Variants in FSIP1 observed in about 807,000 individuals in gnomAD.
FSIP1 encodes fibrous sheath-interacting protein 1.
In FSIP1, 65 loss-of-function variants were observed where a neutral mutation model predicts 60.9. The ratio of observed to expected loss-of-function variants is 1.07; its 90% CI spans 0.87 to 1.31. The LOEUF (loss-of-function observed/expected upper bound fraction) is 1.31. Ranked by LOEUF, FSIP1 falls within the 40% of genes most tolerant of loss-of-function variation. The pLI, the probability that FSIP1 is intolerant of heterozygous loss-of-function variation, is 0.00. For missense variants in FSIP1, 675 were observed against 665.5 expected, an observed-to-expected ratio of 1.01 and a Z score of -0.16; for synonymous variants, 209 against 221.2, an observed-to-expected ratio of 0.94 and a Z score of 0.49.
At chr15:39,733,968 G>A (rs1165702932) in intron 8 of FSIP1, among the ~76,000 whole-genome samples, 1 of 151,864 alleles carries the variant, frequency 6.6e-6, no homozygotes, top group Non-Finnish European at 1.5e-5. Flanking sequence ...CTCCCAAAAG[G>A]AGAAAAAAGA....
intron 5 of FSIP1, among the ~76,000 whole-genome samples, chr15:39,761,354 ATG>A (rs1312246558): frequency 6.6e-6 from 1 of 152,220 alleles, no homozygotes; most frequent in East Asian, 1.9e-4. Context: ...GATAAAGAAA[ATG>A]TGTTGTATAG....
In FSIP1 at chr15:39,679,077, T is replaced by C. The variant is rs571409021; in HGVS notation, c.1188+34367A>G. On this transcript the variant is annotated intron_variant, in intron 10 of 11. Transcript: ENST00000350221. Reference sequence around the variant, plus strand: ...TTCTTCAGCAGAGTTTACTAAGCTGTTTAGTGTCTTTGAATCAGTTTTTCT... The same window carrying C: ...TTCTTCAGCAGAGTTTACTAAGCTGCTTAGTGTCTTTGAATCAGTTTTTCT... Among the ~76,000 whole-genome samples the C allele has an allele frequency of 1.3e-3, 191 of 152,352 alleles. 1 individual carries two copies. Among genetic ancestry groups the C allele is most frequent in the African/African-American group, 4.1e-3 (172 of 41,580 alleles).
intron 9 of FSIP1, among the ~76,000 whole-genome samples, chr15:39,720,373 C>G (rs1035967753): frequency 4.6e-5 from 7 of 152,106 alleles, no homozygotes; most frequent in Non-Finnish European, 8.8e-5. Context: ...ACAATTGAAT[C>G]AATATTTCAA....
intron 10 of FSIP1, 123 bp from the exon 11 acceptor site, chr15:39,618,368 A>G: frequency 1.4e-6 from 1 of 734,684 alleles, no homozygotes; most frequent in Non-Finnish European, 2.2e-6. Flanking sequence ...TAAAAATAGA[A>G]AAATAATTCA....
chr15:39,649,234 A>G (rs1306258211), intron 10 of FSIP1, among the ~76,000 whole-genome samples: 3 of 152,208 alleles, frequency 2.0e-5, no homozygotes, highest in African/African-American at 7.2e-5. Flanking sequence ...AAGACCAAAA[A>G]CACCTGTAAA....
chr15:39,722,401 C>A (rs899931991), intron 9 of FSIP1, among the ~76,000 whole-genome samples: 1 of 152,034 alleles, frequency 6.6e-6, no homozygotes, highest in African/African-American at 2.4e-5. Context: ...CCAAAACCAT[C>A]CCCCTCTCTG....
In FSIP1 at chr15:39,631,272, C is replaced by T. The variant is rs189899452; in HGVS notation, c.1189-13027G>A. ...AGGCCATGGCCCATCCTAGGCCCAA[C>T]TCCTCTTCTCTCCCCGATGTCTTGT... is the stretch of plus-strand genomic sequence containing the variant. On this transcript the variant is annotated intron_variant, in intron 10 of 11. Transcript: ENST00000350221. Among the ~76,000 whole-genome samples, 5 of 152,336 alleles carry T rather than the reference C, an allele frequency of 3.3e-5. No homozygotes were observed. In the East Asian group the frequency reaches 7.7e-4, roughly 23 times the overall value.
intron 2 of FSIP1, among the ~76,000 whole-genome samples, chr15:39,775,184 T>G (rs1044132200): frequency 6.6e-6 from 1 of 152,136 alleles, no homozygotes; most frequent in Non-Finnish European, 1.5e-5. Context: ...TCCTGCTAAT[T>G]TTTTTAATTT....
At chr15:39,704,984 G>T (rs1055352264) in intron 10 of FSIP1, among the ~76,000 whole-genome samples, 2 of 152,150 alleles carry the variant, frequency 1.3e-5, no homozygotes, top group Non-Finnish European at 2.9e-5. Context: ...AAAAGAGAAA[G>T]AATGTGGATA....
At chr15:39,776,241 CA>C (rs1376711987) in intron 2 of FSIP1, among the ~76,000 whole-genome samples, 157 bp downstream of exon 2, 13 of 117,350 alleles carry the variant, frequency 1.1e-4, no homozygotes, top group Non-Finnish European at 9.6e-5. Context: ...AGAGTTTTTT[CA>C]TATTAATCTA....
chr15:39,615,839 G>C, intron 11 of FSIP1, among the ~76,000 whole-genome samples: 1 of 152,080 alleles, frequency 6.6e-6, no homozygotes, highest in East Asian at 1.9e-4. Context: ...TTGGCTAAAG[G>C]GTACCAGTTT....
chr15:39,713,491 G>A lies in FSIP1; in HGVS notation c.1141C>T (p.Arg381Trp), dbSNP rs553692762. The part of the protein sequence containing the change: ...NTKEQRDLHN[R>W]LREIDEKLKM... The stretch of plus-strand genomic sequence containing the variant: ...AGCTTTTCATCAATCTCTCTCAGCC[G>A]ATTATGCAGATCGCGTTGCTCTTTG... Residue 381 changes from arginine to tryptophan, a missense_variant, in exon 10 of 12, where the codon CGG (arginine) becomes TGG (tryptophan). Arg to Trp is a moderately radical substitution (Grantham distance 101). Coordinates refer to ENST00000350221, the MANE Select transcript of FSIP1 (RefSeq NM_152597.5). The A allele has an allele frequency of 8.8e-5, 142 of 1,608,702 alleles. No individual in the cohort carries two copies. Among genetic ancestry groups the A allele is most frequent in the East Asian group, 3.8e-4 (17 of 44,544 alleles).
intron 10 of FSIP1, among the ~76,000 whole-genome samples, chr15:39,633,547 A>T (rs2140407103): frequency 6.6e-6 from 1 of 152,278 alleles, no homozygotes; most frequent in East Asian, 1.9e-4. Flanking sequence ...ATTACCATGA[A>T]CCTATTAATG....
chr15:39,776,371 G>A lies in FSIP1; in HGVS notation c.126+28C>T, dbSNP rs112050906. ...AACTGCTGAGAGGTTGGGGAAAGGAGTTTAAATCTTTTCTAAACGTAAATT... is the reference window on the plus strand; with the variant it reads ...AACTGCTGAGAGGTTGGGGAAAGGAATTTAAATCTTTTCTAAACGTAAATT... On this transcript the variant is annotated intron_variant, in intron 2 of 11. Coordinates refer to ENST00000350221, the MANE Select transcript of FSIP1 (RefSeq NM_152597.5). 3,099 of 1,603,780 alleles carry A rather than the reference G, an allele frequency of 1.9e-3. 48 individuals are homozygous for A. In the African/African-American group the frequency reaches 0.03, roughly 16 times the overall value.
chr15:39,684,147 A>G (rs1894273151), intron 10 of FSIP1, among the ~76,000 whole-genome samples: 1 of 152,252 alleles, frequency 6.6e-6, no homozygotes. Flanking sequence ...TTGATAAAGG[A>G]AAAATAAGAT....
chr15:39,767,868 C>G (rs1897746710), intron 3 of FSIP1, among the ~76,000 whole-genome samples: 1 of 152,188 alleles, frequency 6.6e-6, no homozygotes, highest in Non-Finnish European at 1.5e-5. Flanking sequence ...TGCACTCATC[C>G]TCCAAGCCAA....
intron 10 of FSIP1, among the ~76,000 whole-genome samples, chr15:39,676,206 T>C (rs535553494): frequency 2.0e-5 from 3 of 149,846 alleles, no homozygotes; most frequent in African/African-American, 7.3e-5. Context: ...TCATACCTCA[T>C]ACACTCAGTC....
chr15:39,617,990 A>G lies in FSIP1; in HGVS notation c.1444T>C (p.Tyr482His), dbSNP rs1891300288. ...ESEECEASKG[Y>H]YLTKALTGHN... is the part of the protein sequence containing the mutation. ...CCAGTCAAGGCTTTAGTGAGATAGT[A>G]GCCTTTAGAAGCTTCACATTCTTCA... Residue 482 changes from tyrosine to histidine, a missense_variant, in exon 11 of 12, where the codon TAC (tyrosine) becomes CAC (histidine). By Grantham distance (83) the Tyr-to-His change is moderately conservative (BLOSUM62 2). Transcript: ENST00000350221. The G allele has an allele frequency of 1.2e-6, 2 of 1,614,202 alleles. No homozygotes were observed. Among genetic ancestry groups the G allele is most frequent in the Admixed American group, 1.7e-5 (1 of 60,028 alleles).
In FSIP1 at chr15:39,634,355, C is replaced by G. The variant is rs75517324; in HGVS notation, c.1189-16110G>C. On this transcript the variant is annotated intron_variant, in intron 10 of 11. Transcript: ENST00000350221. ...CCCTCTCCTTCTATTGTCTCTTAAA[C>G]TCAACCCAAACAGGGTTTAGTCCAC... Among the ~76,000 whole-genome samples the G allele has an allele frequency of 4.6e-5, 7 of 152,314 alleles. No individual in the cohort carries two copies. In the East Asian group the frequency reaches 1.2e-3, roughly 25 times the overall value.
Sources: gnomAD v4.1 joint callset for allele counts (sites outside exome capture counted in the v4.1 genomes callset) on GRCh38, gnomAD v4.1.1 for gene constraint, MANE v1.5 for transcripts, NCBI Gene and HGNC (gene_info 2026-07-23, HGNC 2026-07-21) for gene names.